PEX1: variants seen among roughly 807,000 people sequenced by gnomAD.
PEX1 encodes the protein peroxisomal biogenesis factor 1.
Under a neutral mutation model 152.5 loss-of-function variants are expected in PEX1, and 97 were observed. The observed-to-expected ratio is 0.64, with a 90% CI of 0.54 to 0.75. The LOEUF (loss-of-function observed/expected upper bound fraction) is 0.75, where lower values mean the gene tolerates loss of function less well. Ranked by LOEUF, PEX1 falls within the 30% of genes least tolerant of loss-of-function variation. The pLI, the probability that PEX1 is intolerant of heterozygous loss-of-function variation, is 0.00. For synonymous variants in PEX1, 485 were observed against 531.6 expected (o/e 0.91, Z 1.21); for missense variants, 1,357 against 1,516.3 (o/e 0.89, Z 1.74).
At chr7:92,493,164 AT>A (rs1271566350) in intron 19 of PEX1, 35 bp from the exon 20 acceptor site, 3 of 1,184,348 alleles carry the variant, frequency 2.5e-6, no homozygotes, top group Non-Finnish European at 3.7e-6. Flanking sequence ...CAAATAAAAA[AT>A]AAAATTAAAA....
chr7:92,509,001 G>A (rs567209631), intron 9 of PEX1, among the ~76,000 whole-genome samples: 2 of 151,748 alleles, frequency 1.3e-5, no homozygotes, highest in Middle Eastern at 3.4e-3. Flanking sequence ...TATGATCCAC[G>A]TGATATCTAG....
intron 17 of PEX1, among the ~76,000 whole-genome samples, 187 bp from the exon 18 acceptor site, chr7:92,494,816 T>C (rs1380581314): frequency 6.6e-6 from 1 of 151,216 alleles, no homozygotes; most frequent in Non-Finnish European, 1.5e-5. Flanking sequence ...TATAAATGTA[T>C]TTATATATAT....
At chr7:92,501,281 A>G (rs1377545128) in intron 15 of PEX1, among the ~76,000 whole-genome samples, 1 of 152,170 alleles carries the variant, frequency 6.6e-6, no homozygotes, top group Non-Finnish European at 1.5e-5. Flanking sequence ...CTGTGAGTGT[A>G]CTCCAGCCTA....
At chr7:92,528,240 C>G in intron 1 of PEX1, 67 bp downstream of exon 1, 1 of 1,538,912 alleles carries the variant, frequency 6.5e-7, no homozygotes. Flanking sequence ...CCCGCCGCGT[C>G]CCTGAGAGGC....
At chr7:92,502,110 C>T in intron 13 of PEX1, 31 bp from the exon 14 acceptor site, 1 of 1,400,222 alleles carries the variant, frequency 7.1e-7, no homozygotes, top group Non-Finnish European at 1.0e-6. Flanking sequence ...TTCGAATTTC[C>T]AATTGTATTC....
At chr7:92,522,364 GT>G (rs1286744524) in intron 1 of PEX1, 119 bp from the exon 2 acceptor site, 3 of 939,968 alleles carry the variant, frequency 3.2e-6, no homozygotes, top group African/African-American at 1.7e-5. Context: ...ATAGTTCTCT[GT>G]TATCTACATT....
At position 92,491,259 on chromosome 7, in the gene PEX1, C is replaced by T. The variant is rs767267687; in HGVS notation, c.3438+13G>A. On this transcript the variant is annotated intron_variant, in intron 21 of 23. Coordinates refer to ENST00000248633, the MANE Select transcript of PEX1 (RefSeq NM_000466.3). Reference sequence around the variant, plus strand: ...ATATTTCAGAACTGTATAATGATGACTGCACAAGATACCAAATCAGAAGAG... The same window carrying T: ...ATATTTCAGAACTGTATAATGATGATTGCACAAGATACCAAATCAGAAGAG... 10 of 1,522,008 alleles carry T rather than the reference C, an allele frequency of 6.6e-6. No homozygotes were observed. In the Admixed American group the frequency reaches 1.0e-4, roughly 15 times the overall value. 94.3% of individuals were successfully genotyped at this position (1,522,008 alleles called of 1,614,324 possible). A position where few individuals can be genotyped will look rare whatever the true frequency, so the allele number is the denominator to read the frequency against.
In PEX1 at chr7:92,504,769, G is replaced by A; in HGVS notation, c.2034C>T (p.His678=). The A allele has an allele frequency of 1.2e-6, 2 of 1,614,176 alleles. No homozygotes were observed. Among genetic ancestry groups the A allele is most frequent in the Middle Eastern group, 1.7e-4 (1 of 6,060 alleles). The part of the protein sequence containing the change: ...AGLPAVPEHE[H]SPDAVQSQRL... ...GCTGGCTCTGCACCGCATCAGGACT[G>A]TGCTCATGTTCCGGGACAGCAGGCA... Residue 678 remains histidine (H), a synonymous_variant, in exon 12 of 24, where the codon CAC becomes CAT. Coordinates refer to ENST00000248633, the MANE Select transcript of PEX1 (RefSeq NM_000466.3).
chr7:92,499,866 A>G, intron 15 of PEX1, 28 bp from the exon 16 acceptor site: 1 of 1,579,242 alleles, frequency 6.3e-7, no homozygotes, highest in Non-Finnish European at 8.7e-7. Flanking sequence ...AAAATATGAA[A>G]AAGAGCTCAA....
chr7:92,501,325 A>C (rs1189878774), intron 15 of PEX1, among the ~76,000 whole-genome samples, 182 bp downstream of exon 15: 1 of 151,956 alleles, frequency 6.6e-6, no homozygotes, highest in African/African-American at 2.4e-5. Flanking sequence ...CTAATAAAAA[A>C]TTAATTAATA....
In PEX1 at chr7:92,491,615, T is replaced by C. The variant is rs189378512; in HGVS notation, c.3208-113A>G. ...AGCAATACAAGAAACTTAGAAGCAT[T>C]TTTCAAAGAGCTCATTAATTCTCTA... On this transcript the variant is annotated intron_variant, in intron 20 of 23. Coordinates refer to ENST00000248633, the MANE Select transcript of PEX1 (RefSeq NM_000466.3). 1.4e-3 allele frequency: 984 copies of C among 693,266 alleles called. 30 individuals are homozygous for C. In the Admixed American group the frequency reaches 0.023, roughly 16 times the overall value. 42.9% of individuals were successfully genotyped at this position (693,266 alleles called of 1,614,324 possible). A position where few individuals can be genotyped will look rare whatever the true frequency, so the allele number is the denominator to read the frequency against.
At chr7:92,496,343 T>G (rs1365618477) in intron 17 of PEX1, among the ~76,000 whole-genome samples, 1 of 152,108 alleles carries the variant, frequency 6.6e-6, no homozygotes, top group Non-Finnish European at 1.5e-5. Context: ...GATGGACTCT[T>G]GACTTATAAG....
chr7:92,513,218 G>A (rs1792560554), intron 6 of PEX1, among the ~76,000 whole-genome samples: 1 of 152,066 alleles, frequency 6.6e-6, no homozygotes, highest in African/African-American at 2.4e-5. Context: ...TATCCCAAAG[G>A]AGCTGAAAAG....
At chr7:92,511,500 G>A (rs1405319334) in intron 7 of PEX1, 80 bp downstream of exon 7, 29 of 1,041,658 alleles carry the variant, frequency 2.8e-5, no homozygotes, top group Non-Finnish European at 3.9e-5. Context: ...ACTGTTCACA[G>A]GTATGACAGG....
chr7:92,490,652 A>G lies in PEX1; in HGVS notation c.3438+620T>C, dbSNP rs865917889. Among the ~76,000 whole-genome samples the G allele has an allele frequency of 1.1e-3, 149 of 140,396 alleles. 1 individual carries two copies. The highest frequency in any genetic ancestry group is 7.5e-3 in the Middle Eastern group (2 of 268). 92.1% of individuals were successfully genotyped at this position (140,396 alleles called of 152,430 possible). A position where few individuals can be genotyped will look rare whatever the true frequency, so the allele number is the denominator to read the frequency against. On this transcript the variant is annotated intron_variant, in intron 21 of 23. Transcript: ENST00000248633. Reference sequence around the variant, plus strand: ...TGTCTCAAAAAAAAAAAAAAAAAAAAGCCTAAATTAATAAAGCAAATGTAC... The same window carrying G: ...TGTCTCAAAAAAAAAAAAAAAAAAAGGCCTAAATTAATAAAGCAAATGTAC...
At position 92,491,267 on chromosome 7, in the gene PEX1, G is replaced by T; in HGVS notation, c.3438+5C>A. 2 of 1,563,412 alleles carry T rather than the reference G, an allele frequency of 1.3e-6. No homozygotes were observed. Among genetic ancestry groups the T allele is most frequent in the Non-Finnish European group, 1.8e-6 (2 of 1,133,780 alleles). The stretch of plus-strand genomic sequence containing the variant: ...GAACTGTATAATGATGACTGCACAA[G>T]ATACCAAATCAGAAGAGGTTCCATT... On this transcript the variant is annotated splice_donor_5th_base_variant and intron_variant, in intron 21 of 23. Coordinates refer to ENST00000248633, the MANE Select transcript of PEX1 (RefSeq NM_000466.3).
chr7:92,519,413 A>G (rs1193498949), intron 2 of PEX1, among the ~76,000 whole-genome samples: 2 of 152,166 alleles, frequency 1.3e-5, no homozygotes, highest in Admixed American at 1.3e-4. Context: ...TTCATGTGGC[A>G]AATATTTATT....
chr7:92,504,184 T>C (rs1260026616), intron 12 of PEX1, among the ~76,000 whole-genome samples: 1 of 152,062 alleles, frequency 6.6e-6, no homozygotes, highest in Non-Finnish European at 1.5e-5. Context: ...ACTCTGTGTA[T>C]ACTTCTCGCA....
rs775109675 is a variant in PEX1, at chr7:92,492,956, G to A, written c.3204C>T (p.Leu1068=). ...ALHGMLLSSG[L]QDGSSSSDSD... ...ACAACTTCCTCATATAACTTGCCTG[G>A]AGTCCACTCGAGAGCAGCATTCCAT... Residue 1068 remains leucine, a synonymous_variant, in exon 20 of 24, where the codon CTC becomes CTT. Coordinates refer to ENST00000248633, the MANE Select transcript of PEX1 (RefSeq NM_000466.3). 3.7e-6 allele frequency: 6 copies of A among 1,611,960 alleles called. No individual in the cohort carries two copies. The South Asian group carries it at 5.5e-5, about 15-fold the overall frequency.
Sources: allele counts gnomAD v4.1 joint callset (sites outside exome capture counted in the v4.1 genomes callset), GRCh38; gene constraint gnomAD v4.1.1; transcripts MANE v1.5; gene names NCBI Gene and HGNC (gene_info 2026-07-23, HGNC 2026-07-21).